Variants in TSC22D3 observed in about 807,000 individuals in gnomAD.
TSC22D3 encodes the protein TSC22 domain family protein 3.
In TSC22D3, 4 loss-of-function variants were observed where a neutral mutation model predicts 11.1. The ratio of observed to expected loss-of-function variants is 0.36; its 90% CI spans 0.18 to 0.83. TSC22D3 has a LOEUF of 0.83. Among genes scored for constraint, TSC22D3 ranks in the 40% least tolerant of loss-of-function variants. The probability of loss-of-function intolerance (pLI) is 0.48; values close to 1 mark genes in which losing one functional copy is unlikely to be tolerated. For synonymous variants in TSC22D3, 77 were observed against 70.3 expected (o/e 1.10, Z -0.48); for missense variants, 118 against 159.4 (o/e 0.74, Z 1.40).
chrX:107,742,417 G>A (rs1357974082), intron 1 of TSC22D3, among the ~76,000 whole-genome samples: 1 of 110,481 alleles, frequency 9.1e-6, no homozygotes, highest in Non-Finnish European at 1.9e-5. Flanking sequence ...ACTGAGTTGT[G>A]TGTGTCTGAG....
chrX:107,759,894 C>T (rs1416379920), intron 1 of TSC22D3, among the ~76,000 whole-genome samples: 2 of 112,490 alleles, frequency 1.8e-5, no homozygotes, highest in African/African-American at 6.4e-5. Context: ...TGGGCTGGCT[C>T]GGCTGTGGGG....
chrX:107,759,787 C>A, intron 1 of TSC22D3, among the ~76,000 whole-genome samples: 1 of 112,873 alleles, frequency 8.9e-6, no homozygotes, highest in East Asian at 2.8e-4. Flanking sequence ...CTCTTGCCTG[C>A]GTTCTCTCCC....
chrX:107,763,473 T>A (rs1929532315), intron 1 of TSC22D3, among the ~76,000 whole-genome samples: 1 of 111,060 alleles, frequency 9.0e-6, no homozygotes, highest in East Asian at 2.8e-4. Context: ...CTTGATCAGT[T>A]TATTTGTCCT....
chrX:107,747,499 C>T (rs923142914), intron 1 of TSC22D3, among the ~76,000 whole-genome samples: 2 of 112,729 alleles, frequency 1.8e-5, no homozygotes, highest in Admixed American at 1.9e-4. Context: ...TTTACCCAGT[C>T]CCGCTAGCCT....
At chrX:107,716,225 C>CG (rs1470366757) in intron 1 of TSC22D3, 1 of 872,025 alleles carries the variant, frequency 1.1e-6, no homozygotes, top group Non-Finnish European at 1.5e-6. Context: ...CGCAGGCCAC[C>CG]GTGGCCTGCT....
chrX:107,734,217 C>T lies in TSC22D3; in HGVS notation c.321-18267G>A, dbSNP rs757573742. Among the ~76,000 whole-genome samples, 108 of 112,190 alleles carry T rather than the reference C, an allele frequency of 9.6e-4. 2 individuals are homozygous for T. In the South Asian group the frequency reaches 0.013, roughly 13 times the overall value. On this transcript the variant is annotated intron_variant, in intron 1 of 2. Transcript: ENST00000372383. ...GAACTGAGGGTTTTTGGGCTTTGAC[C>T]TAGGGGCTGGAAAATCGGGCCCACC...
intron 1 of TSC22D3, among the ~76,000 whole-genome samples, chrX:107,731,497 C>A (rs1428403232): frequency 9.0e-6 from 1 of 111,716 alleles, no homozygotes; most frequent in East Asian, 2.8e-4. Flanking sequence ...ATGAATGATA[C>A]CTCTATTTAG....
intron 1 of TSC22D3, 116 bp downstream of exon 1, chrX:107,774,984 A>T: frequency 1.2e-6 from 1 of 868,850 alleles, no homozygotes; most frequent in Non-Finnish European, 1.6e-6. Context: ...AGCCTGAGTC[A>T]GACCTCCCCA....
intron 1 of TSC22D3, among the ~76,000 whole-genome samples, chrX:107,760,081 G>T (rs1379281851): frequency 8.9e-6 from 1 of 112,952 alleles, no homozygotes; most frequent in East Asian, 2.8e-4. Flanking sequence ...CCAGACGGCG[G>T]CTCTGCCAGC....
At chrX:107,720,079 C>CT (rs1372333334) in intron 1 of TSC22D3, among the ~76,000 whole-genome samples, 5 of 110,917 alleles carry the variant, frequency 4.5e-5, no homozygotes, top group South Asian at 7.7e-4. Context: ...TGCAGTCAAA[C>CT]TTTGAGTTCC....
At chrX:107,756,649 C>T (rs1467311962) in intron 1 of TSC22D3, among the ~76,000 whole-genome samples, 1 of 112,559 alleles carries the variant, frequency 8.9e-6, no homozygotes, top group African/African-American at 3.2e-5. Context: ...AGGGCACCGG[C>T]CGTTATTATT....
intron 1 of TSC22D3, chrX:107,717,247 AAG>A: frequency 4.9e-6 from 1 of 204,037 alleles, no homozygotes; most frequent in Non-Finnish European, 7.4e-6. Context: ...ATCTCCAAAG[AAG>A]GCTCTGGAGA....
intron 1 of TSC22D3, chrX:107,722,194 C>T (rs993400889): frequency 6.3e-5 from 14 of 220,685 alleles, no homozygotes; most frequent in African/African-American, 2.9e-4. Flanking sequence ...ATGCAGAAGG[C>T]GATGATGAGT....
chrX:107,719,963 G>C (rs1026451902), intron 1 of TSC22D3, among the ~76,000 whole-genome samples: 6 of 111,260 alleles, frequency 5.4e-5, no homozygotes, highest in African/African-American at 2.0e-4. Flanking sequence ...CTATCTGTTT[G>C]GGAAATAGGA....
At chrX:107,758,760 G>A (rs746516900) in intron 1 of TSC22D3, among the ~76,000 whole-genome samples, 10 of 112,284 alleles carry the variant, frequency 8.9e-5, no homozygotes, top group Non-Finnish European at 1.9e-4. Flanking sequence ...CTGGCATTTT[G>A]GGGCACATGG....
chrX:107,716,398 C>T, intron 1 of TSC22D3: 2 of 940,134 alleles, frequency 2.1e-6, no homozygotes, highest in Non-Finnish European at 2.6e-6. Flanking sequence ...CTCGGCCAGC[C>T]CCCTGCCCAG....
intron 1 of TSC22D3, among the ~76,000 whole-genome samples, chrX:107,749,461 A>AT (rs113700523): frequency 6.6e-4 from 69 of 104,689 alleles, no homozygotes; most frequent in African/African-American, 1.6e-3. Context: ...TAGAGTAGTG[A>AT]TTTTTTTTTT....
chrX:107,749,361 C>G (rs191189763), intron 1 of TSC22D3, among the ~76,000 whole-genome samples: 2 of 110,099 alleles, frequency 1.8e-5, no homozygotes, highest in Non-Finnish European at 3.8e-5. Flanking sequence ...GGTGACAGAG[C>G]GAGACTCTGT....
intron 1 of TSC22D3, among the ~76,000 whole-genome samples, chrX:107,756,475 T>A (rs1409685560): frequency 8.9e-6 from 1 of 112,576 alleles, no homozygotes; most frequent in Non-Finnish European, 1.9e-5. Flanking sequence ...TTTACCACAT[T>A]TGGGGAAACA....
Sources: gnomAD v4.1 joint callset for allele counts (sites outside exome capture counted in the v4.1 genomes callset) on GRCh38, gnomAD v4.1.1 for gene constraint, MANE v1.5 for transcripts, NCBI Gene and HGNC (gene_info 2026-07-23, HGNC 2026-07-21) for gene names.